Variants in HDAC9 observed in about 807,000 individuals in gnomAD.
HDAC9 encodes histone deacetylase 9.
Under a neutral mutation model 139.4 loss-of-function variants are expected in HDAC9, and 41 were observed. That is an observed-to-expected ratio of 0.29 (90% CI 0.23 to 0.38). HDAC9 has a LOEUF of 0.38. Among genes scored for constraint, HDAC9 ranks in the 10% least tolerant of loss-of-function variants. HDAC9 has a pLI of 1.00. For synonymous variants in HDAC9, 517 were observed against 476.2 expected (o/e 1.09, Z -1.12); for missense variants, 1,147 against 1,297.0 (o/e 0.88, Z 1.78).
intron 2 of HDAC9, among the ~76,000 whole-genome samples, chr7:18,575,784 G>T (rs1356836060): frequency 6.6e-6 from 1 of 152,216 alleles, no homozygotes; most frequent in Admixed American, 6.5e-5. Context: ...ACATATACAT[G>T]CAGATGTGCA....
intron 21 of HDAC9, among the ~76,000 whole-genome samples, chr7:18,869,188 T>TGTGTG (rs1798725814): frequency 9.5e-6 from 1 of 104,866 alleles, no homozygotes; most frequent in African/African-American, 4.8e-5. Context: ...GTGTGTGTGT[T>TGTGTG]GCGGTAGGGG....
In HDAC9 at chr7:18,593,997, A is replaced by G. The variant is rs555557475; in HGVS notation, c.632A>G (p.Asp211Gly). The part of the protein sequence containing the change: ...SYKYTLPGAQ[D>G]AKDDFPLRKT... ...AAGTACACATTACCAGGAGCACAAG[A>G]TGCAAAGGATGATTTCCCCCTTCGA... is the stretch of plus-strand genomic sequence containing the variant. Residue 211 changes from aspartate to glycine, a missense_variant, in exon 6 of 26, where the codon GAT becomes GGT. Transcript: ENST00000686413. 6.2e-7 allele frequency: 1 copy of G among 1,612,772 alleles called. No homozygotes were observed. Among genetic ancestry groups the G allele is most frequent in the Non-Finnish European group, 8.5e-7 (1 of 1,179,038 alleles).
chr7:18,480,568 G>T (rs1381027273), intron 1 of HDAC9, among the ~76,000 whole-genome samples: 3 of 152,174 alleles, frequency 2.0e-5, no homozygotes, highest in African/African-American at 7.2e-5. Flanking sequence ...GCTGCAGGAG[G>T]CTTTCAAAGG....
At chr7:18,776,124 G>A (rs745439490) in intron 16 of HDAC9, among the ~76,000 whole-genome samples, 6 of 151,912 alleles carry the variant, frequency 3.9e-5, no homozygotes, top group African/African-American at 1.4e-4. Context: ...CTTTTATTTT[G>A]TAGAGATGTG....
intron 1 of HDAC9, among the ~76,000 whole-genome samples, chr7:18,160,551 G>A (rs113930785): frequency 3.3e-5 from 5 of 152,262 alleles, no homozygotes; most frequent in African/African-American, 1.2e-4. Flanking sequence ...AGTAATATCA[G>A]ATATGGTGGC....
At position 18,193,229 on chromosome 7, in the gene HDAC9, G is replaced by C. The variant is rs1422155020; in HGVS notation, c.25+30880G>C. Among the ~76,000 whole-genome samples the C allele has an allele frequency of 2.0e-5, 3 of 152,086 alleles. No individual in the cohort carries two copies. In the South Asian group the frequency reaches 6.2e-4, roughly 32 times the overall value. On this transcript the variant is annotated intron_variant, in intron 2 of 12. Transcript: ENST00000417496. ...AGAATATTTATAGCTCTCTGTAGAG[G>C]TAAGATCTTAGGTAAAGTCAGATGA...
intron 2 of HDAC9, among the ~76,000 whole-genome samples, chr7:18,580,895 A>C (rs1226999224): frequency 2.0e-5 from 3 of 152,198 alleles, no homozygotes; most frequent in African/African-American, 2.4e-5. Flanking sequence ...GTATTGTGTT[A>C]CTATTATTTC....
rs772400219 is a variant in HDAC9 at position 18,874,574 on chromosome 7, A to G, written c.2781A>G (p.Gly927=). Residue 927 remains glycine, a synonymous_variant, in exon 22 of 26, where the codon GGA becomes GGG. Transcript: ENST00000686413. ...TGGAAGGCCACACCCCTCCTCTAGG[A>G]GGGTACAAAGTGACGGCAAAATGTA... ...DALEGHTPPL[G]GYKVTAKCFG... The G allele has an allele frequency of 6.3e-7, 1 of 1,588,550 alleles. No homozygotes were observed. The highest frequency in any genetic ancestry group is 8.6e-7 in the Non-Finnish European group (1 of 1,165,518).
chr7:18,824,193 G>A (rs2129201772), intron 17 of HDAC9, among the ~76,000 whole-genome samples: 1 of 152,282 alleles, frequency 6.6e-6, no homozygotes, highest in East Asian at 1.9e-4. Flanking sequence ...ACGGCTGTCT[G>A]CAAGCCGCAA....
At chr7:18,929,427 A>G (rs758163348) in intron 22 of HDAC9, among the ~76,000 whole-genome samples, 4 of 152,122 alleles carry the variant, frequency 2.6e-5, no homozygotes, top group South Asian at 4.1e-4. Context: ...TTTCAAGGTC[A>G]TGGTAATTAC....
intron 25 of HDAC9, among the ~76,000 whole-genome samples, chr7:18,984,006 TC>T (rs1198318918): frequency 6.6e-6 from 1 of 152,092 alleles, no homozygotes; most frequent in East Asian, 1.9e-4. Context: ...TGAAAAATAT[TC>T]ACCGACCACT....
intron 22 of HDAC9, among the ~76,000 whole-genome samples, chr7:18,912,619 G>A (rs1290073799): frequency 6.6e-6 from 1 of 152,012 alleles, no homozygotes; most frequent in Non-Finnish European, 1.5e-5. Flanking sequence ...AGTGCCCAAG[G>A]ATATTGCTGA....
chr7:18,220,760 A>T (rs1792640950), intron 2 of HDAC9, among the ~76,000 whole-genome samples: 1 of 152,188 alleles, frequency 6.6e-6, no homozygotes, highest in Admixed American at 6.5e-5. Context: ...TAGAGACTTT[A>T]ATGTAGCAGT....
intron 12 of HDAC9, among the ~76,000 whole-genome samples, chr7:18,696,768 A>C (rs754565516): frequency 4.2e-4 from 64 of 152,108 alleles, no homozygotes; most frequent in South Asian, 2.1e-4. Flanking sequence ...GTGCCCAGCC[A>C]GTTGTTCTTA....
intron 2 of HDAC9, among the ~76,000 whole-genome samples, chr7:18,233,016 TTGTCTATAAGTATA>T (rs749611907): frequency 1.5e-4 from 23 of 152,186 alleles, no homozygotes; most frequent in Non-Finnish European, 2.6e-4. Flanking sequence ...ATAAGCAATT[TTGTCTATAAGTATA>T]AACTTCTGAA....
At chr7:18,959,500 C>T (rs752702343) in intron 24 of HDAC9, among the ~76,000 whole-genome samples, 121 of 152,248 alleles carry the variant, frequency 7.9e-4, no homozygotes, top group Admixed American at 1.4e-3. Flanking sequence ...AGGATTCTTT[C>T]ACAATTTTGC....
At chr7:18,845,517 G>A (rs1463485529) in intron 21 of HDAC9, among the ~76,000 whole-genome samples, 2 of 152,240 alleles carry the variant, frequency 1.3e-5, no homozygotes, top group East Asian at 1.9e-4. Context: ...ACTGAACCAC[G>A]AGGTTGCCTC....
At chr7:18,218,166 GGGT>G (rs966865857) in intron 2 of HDAC9, among the ~76,000 whole-genome samples, 19 of 152,256 alleles carry the variant, frequency 1.2e-4, no homozygotes, top group African/African-American at 4.6e-4. Context: ...CATACTGGCT[GGGT>G]GCAGTGACTT....
intron 12 of HDAC9, among the ~76,000 whole-genome samples, chr7:18,691,640 A>G (rs1232903428): frequency 6.6e-6 from 1 of 152,118 alleles, no homozygotes; most frequent in South Asian, 2.1e-4. Flanking sequence ...GTTATTTCCA[A>G]ATTTATCTTT....
Sources: gnomAD v4.1 joint callset for allele counts (sites outside exome capture counted in the v4.1 genomes callset) on GRCh38, gnomAD v4.1.1 for gene constraint, MANE v1.5 for transcripts, NCBI Gene and HGNC (gene_info 2026-07-23, HGNC 2026-07-21) for gene names.